The following TMEM161B variants were observed in gnomAD, a reference collection of about 807,000 sequenced individuals.
The protein encoded by TMEM161B is transmembrane protein 161B.
Under a neutral mutation model 61.8 loss-of-function variants are expected in TMEM161B, and 34 were observed. The observed-to-expected ratio is 0.55, with a 90% CI of 0.42 to 0.73. The LOEUF is 0.73. Ranked by LOEUF, TMEM161B falls within the 30% of genes least tolerant of loss-of-function variation. TMEM161B has a pLI of 0.00. For synonymous variants in TMEM161B, 167 were observed against 192.8 expected, an observed-to-expected ratio of 0.87 and a Z score of 1.11; for missense variants, 456 against 558.5, an observed-to-expected ratio of 0.82 and a Z score of 1.85.
intron 2 of TMEM161B, among the ~76,000 whole-genome samples, chr5:88,230,990 C>T (rs186791905): frequency 4.1e-4 from 63 of 152,164 alleles, no homozygotes; most frequent in Non-Finnish European, 5.3e-4. Context: ...AAATCAATTT[C>T]GTATCAATGA....
intron 1 of TMEM161B, among the ~76,000 whole-genome samples, chr5:88,262,436 C>T (rs1344064139): frequency 2.0e-5 from 3 of 152,022 alleles, no homozygotes; most frequent in Non-Finnish European, 4.4e-5. Flanking sequence ...TTTGTCCACA[C>T]AAAAAACTGT....
intron 4 of TMEM161B, chr5:88,221,457 C>T (rs1016052378): frequency 7.4e-6 from 2 of 268,538 alleles, no homozygotes; most frequent in Non-Finnish European, 1.5e-5. Context: ...TGAGTTCACA[C>T]CATGGCACTC....
chr5:88,216,866 GTAAA>G (rs1027940617), intron 5 of TMEM161B, among the ~76,000 whole-genome samples: 4 of 152,138 alleles, frequency 2.6e-5, no homozygotes, highest in Non-Finnish European at 5.9e-5. Flanking sequence ...TAGTAAGTAA[GTAAA>G]TAAATAAATA....
At chr5:88,216,091 C>G (rs900665738) in intron 5 of TMEM161B, among the ~76,000 whole-genome samples, 4 of 152,072 alleles carry the variant, frequency 2.6e-5, no homozygotes. Flanking sequence ...GACCCCATCT[C>G]TATAAAAATT....
At position 88,268,757 on chromosome 5, in the gene TMEM161B, G is replaced by A; in HGVS notation, c.-34C>T. 19 of 1,614,008 alleles carry A rather than the reference G, an allele frequency of 1.2e-5. No homozygotes were observed. The highest frequency in any genetic ancestry group is 1.6e-5 in the Non-Finnish European group (19 of 1,179,924). On this transcript the variant is annotated 5_prime_UTR_variant, in exon 1 of 12. Coordinates refer to ENST00000296595, the MANE Select transcript of TMEM161B (RefSeq NM_153354.5). The stretch of plus-strand genomic sequence containing the variant: ...GGATAGGTCGTGGACCAGACACCCT[G>A]GAGTTGCCGGGGCAGTCCCAAACCT...
At chr5:88,217,723 G>T (rs1288651677) in intron 5 of TMEM161B, among the ~76,000 whole-genome samples, 2 of 151,968 alleles carry the variant, frequency 1.3e-5, no homozygotes, top group African/African-American at 4.8e-5. Context: ...ATAATCTCTG[G>T]CCTACCCATA....
chr5:88,220,916 A>T (rs962918293), intron 4 of TMEM161B, among the ~76,000 whole-genome samples, 197 bp from the exon 5 acceptor site: 1 of 152,148 alleles, frequency 6.6e-6, no homozygotes, highest in African/African-American at 2.4e-5. Flanking sequence ...TCCCAAACTA[A>T]ATTTTAATAC....
rs750916496 is a variant in TMEM161B, at chr5:88,199,034, C to T, written c.1031G>A (p.Cys344Tyr). The change falls in exon 10 of 12, where the codon TGT becomes TAT. Residue 344 changes from cysteine (C) to tyrosine (Y), a missense_variant. Cys to Tyr is a radical substitution (Grantham distance 194). Transcript: ENST00000296595. ...CGCTTCTTTCTTCATCTGATCCACA[C>T]ATTTTTGGGCTAAATTTAAATAAGC... ...LQAYLNLAQKCVDQMKKEAGR... is the reference protein window; with the variant it reads ...LQAYLNLAQKYVDQMKKEAGR... The T allele has an allele frequency of 1.2e-6, 2 of 1,613,090 alleles. No individual in the cohort carries two copies. The highest frequency in any genetic ancestry group is 1.1e-5 in the South Asian group (1 of 91,048).
chr5:88,225,653 G>A (rs1181145808), intron 4 of TMEM161B, 116 bp downstream of exon 4: 1 of 589,432 alleles, frequency 1.7e-6, no homozygotes, highest in East Asian at 3.2e-5. Context: ...GAGCTTCTAA[G>A]TTCTTAGAAA....
chr5:88,218,288 G>A (rs914336946), intron 5 of TMEM161B, among the ~76,000 whole-genome samples: 73 of 152,108 alleles, frequency 4.8e-4, no homozygotes, highest in African/African-American at 1.6e-3. Flanking sequence ...GGTGTGTCCA[G>A]AGTGGTATGG....
chr5:88,195,288 T>C lies in TMEM161B; in HGVS notation c.*923A>G. On this transcript the variant is annotated 3_prime_UTR_variant, in exon 12 of 12. Transcript: ENST00000296595. The stretch of plus-strand genomic sequence containing the variant: ...AAATACATCTCATTCAAGTCACTTT[T>C]TAACATACATTCTGCAACTTAAAAT... The C allele has an allele frequency of 1.1e-6, 1 of 906,986 alleles. No individual in the cohort carries two copies. Among genetic ancestry groups the C allele is most frequent in the Non-Finnish European group, 1.3e-6 (1 of 759,004 alleles). The allele number at this position is 906,986 out of a possible 1,614,324, so 56.2% of individuals were successfully genotyped here.
At chr5:88,231,815 C>A (rs1049748239) in intron 2 of TMEM161B, among the ~76,000 whole-genome samples, 2 of 152,100 alleles carry the variant, frequency 1.3e-5, no homozygotes, top group African/African-American at 4.8e-5. Context: ...TAGGTTCCTG[C>A]GAGCCTCTGG....
chr5:88,252,272 AG>A (rs1045851036), intron 1 of TMEM161B, among the ~76,000 whole-genome samples: 29 of 152,300 alleles, frequency 1.9e-4, no homozygotes, highest in African/African-American at 5.8e-4. Flanking sequence ...CTAAATAAAA[AG>A]GAACTGTGGA....
At chr5:88,197,859 G>A in intron 10 of TMEM161B, 94 bp from the exon 11 acceptor site, 1 of 987,306 alleles carries the variant, frequency 1.0e-6, no homozygotes, top group East Asian at 2.7e-5. Context: ...ATACTTAAGA[G>A]ATAATCCTTT....
Position 88,221,404 on chromosome 5 carries a change from CAGG to C in TMEM161B, c.290-688_290-686del, listed in dbSNP as rs1748956188. The stretch of plus-strand genomic sequence containing the variant: ...GTCCCAGCTACTTGGGAGGCCGAGG[CAGG>C]AGAATAGCTTGAACCTGGGAGGCAG... On this transcript the variant is annotated intron_variant, in intron 4 of 11. Coordinates refer to ENST00000296595, the MANE Select transcript of TMEM161B (RefSeq NM_153354.5). 5 of 191,414 alleles carry C rather than the reference CAGG, an allele frequency of 2.6e-5. 1 individual carries two copies. Among genetic ancestry groups the C allele is most frequent in the Admixed American group, 2.2e-4 (4 of 18,332 alleles). The allele number at this position is 191,414 out of a possible 1,614,324, so 11.9% of individuals were successfully genotyped here.
chr5:88,195,174 C>T lies in TMEM161B; in HGVS notation c.*1037G>A, dbSNP rs1460325192. On this transcript the variant is annotated 3_prime_UTR_variant, in exon 12 of 12. Transcript: ENST00000296595. ...CCATAAAACTTTAAATACACTCACA[C>T]ATAGGCAACACAAATAAATTGCTTA... 6.1e-6 allele frequency: 6 copies of T among 985,078 alleles called. No homozygotes were observed. In the African/African-American group the frequency reaches 8.7e-5, roughly 14 times the overall value. 61.0% of individuals were successfully genotyped at this position (985,078 alleles called of 1,614,324 possible).
chr5:88,197,560 T>C, intron 11 of TMEM161B, 109 bp downstream of exon 11: 1 of 967,554 alleles, frequency 1.0e-6, no homozygotes, highest in South Asian at 1.8e-5. Context: ...TTACAACTTT[T>C]AAAAAGAGAA....
chr5:88,195,203 T>C lies in TMEM161B; in HGVS notation c.*1008A>G. On this transcript the variant is annotated 3_prime_UTR_variant, in exon 12 of 12. Transcript: ENST00000296595. Reference sequence around the variant, plus strand: ...GGCAACACAAATAAATTGCTTACTCTGCTGAACTTTCAAAATGTATTTTAA... The same window carrying C: ...GGCAACACAAATAAATTGCTTACTCCGCTGAACTTTCAAAATGTATTTTAA... The C allele has an allele frequency of 2.0e-6, 2 of 983,384 alleles. No individual in the cohort carries two copies. The highest frequency in any genetic ancestry group is 2.4e-6 in the Non-Finnish European group (2 of 827,808). The allele number at this position is 983,384 out of a possible 1,614,324, so 60.9% of individuals were successfully genotyped here. A position where few individuals can be genotyped will look rare whatever the true frequency, so the allele number is the denominator to read the frequency against.
chr5:88,233,253 G>C (rs900016858), intron 2 of TMEM161B, among the ~76,000 whole-genome samples: 21 of 152,154 alleles, frequency 1.4e-4, no homozygotes, highest in African/African-American at 5.1e-4. Flanking sequence ...CATACCACAT[G>C]AAAGAATGAA....
Sources: gnomAD v4.1 joint callset for allele counts (sites outside exome capture counted in the v4.1 genomes callset) on GRCh38, gnomAD v4.1.1 for gene constraint, MANE v1.5 for transcripts, NCBI Gene and HGNC (gene_info 2026-07-23, HGNC 2026-07-21) for gene names.